The following USP46 variants were observed in gnomAD, a reference collection of about 807,000 sequenced individuals.
USP46 encodes ubiquitin specific peptidase 46.
Under a neutral mutation model 44.4 loss-of-function variants are expected in USP46, and 12 were observed. The observed-to-expected ratio is 0.27, with a 90% confidence interval of 0.17 to 0.44. USP46 has a LOEUF of 0.44. Among genes scored for constraint, USP46 ranks in the 20% least tolerant of loss-of-function variants. The pLI is 1.00. For synonymous variants in USP46, 155 were observed against 161.5 expected, an observed-to-expected ratio of 0.96 and a Z score of 0.31; for missense variants, 248 against 444.8, an observed-to-expected ratio of 0.56 and a Z score of 3.98.
intron 6 of USP46, among the ~76,000 whole-genome samples, 191 bp from the exon 7 acceptor site, chr4:52,602,245 A>G (rs559116110): frequency 3.5e-4 from 53 of 152,356 alleles, no homozygotes; most frequent in Admixed American, 9.8e-4. Context: ...CCTGGCTCCC[A>G]GCAGGAGAAA....
intron 1 of USP46, among the ~76,000 whole-genome samples, chr4:52,647,471 G>A (rs1350473912): frequency 6.6e-6 from 1 of 152,168 alleles, no homozygotes; most frequent in Admixed American, 6.5e-5. Context: ...AAAAGAAACT[G>A]CGCTTAGCTA....
intron 2 of USP46, among the ~76,000 whole-genome samples, chr4:52,630,350 A>G (rs2059436366): frequency 6.6e-6 from 1 of 152,218 alleles, no homozygotes. Context: ...CTGTTAAAGA[A>G]AGACACTGGC....
At chr4:52,632,994 G>GAAAAGAAAAGA (rs1228732494) in intron 1 of USP46, among the ~76,000 whole-genome samples, 55 of 91,296 alleles carry the variant, frequency 6.0e-4, no homozygotes, top group South Asian at 3.7e-3. Flanking sequence ...GAAAAGAAAA[G>GAAAAGAAAAGA]AAAGAAAGAA....
intron 5 of USP46, among the ~76,000 whole-genome samples, chr4:52,608,733 G>A (rs150744201): frequency 3.3e-5 from 5 of 152,254 alleles, no homozygotes; most frequent in South Asian, 2.1e-4. Context: ...AAATCTTCCC[G>A]GGTGATTCCA....
intron 7 of USP46, among the ~76,000 whole-genome samples, chr4:52,601,013 T>C (rs956897038): frequency 2.0e-5 from 3 of 152,214 alleles, no homozygotes; most frequent in South Asian, 2.1e-4. Flanking sequence ...TCTACCCTAG[T>C]ACACAATTAA....
At chr4:52,620,276 CAT>C (rs1040280336) in intron 4 of USP46, among the ~76,000 whole-genome samples, 31 of 152,148 alleles carry the variant, frequency 2.0e-4, no homozygotes, top group African/African-American at 6.3e-4. Context: ...TGAAAATCCA[CAT>C]AGAGTAAAGA....
chr4:52,633,708 T>C (rs1413548633), intron 1 of USP46, among the ~76,000 whole-genome samples: 1 of 152,210 alleles, frequency 6.6e-6, no homozygotes, highest in Non-Finnish European at 1.5e-5. Flanking sequence ...TGGAAATTCT[T>C]AGGTTCGGTG....
chr4:52,640,630 G>A (rs561346114), intron 1 of USP46, among the ~76,000 whole-genome samples: 1 of 151,408 alleles, frequency 6.6e-6, no homozygotes, highest in African/African-American at 2.4e-5. Context: ...GAGAAACTCT[G>A]TCTCTACTTA....
In USP46 at chr4:52,594,685, T is replaced by C. The variant is rs1030114049; in HGVS notation, c.*2955A>G. On this transcript the variant is annotated 3_prime_UTR_variant, in exon 9 of 9. Coordinates refer to ENST00000441222, the MANE Select transcript of USP46 (RefSeq NM_022832.4). ...TAAGCCCTAAGCTCCAGTTAGAACA[T>C]AGATCATTATTAGGCATGCCCATGA... 6.6e-6 allele frequency: 1 copy of C among 152,188 alleles called. No individual in the cohort carries two copies. The highest frequency in any genetic ancestry group is 2.4e-5 in the African/African-American group (1 of 41,452). 9.4% of individuals were successfully genotyped at this position (152,188 alleles called of 1,614,324 possible). A position where few individuals can be genotyped will look rare whatever the true frequency, so the allele number is the denominator to read the frequency against.
chr4:52,656,638 T>C (rs750134832), intron 1 of USP46: 88 of 1,121,810 alleles, frequency 7.8e-5, no homozygotes, highest in Non-Finnish European at 9.5e-5. Flanking sequence ...TCTAGCCATG[T>C]ACCAGGCCCT....
At chr4:52,624,753 G>A (rs896996144) in intron 4 of USP46, among the ~76,000 whole-genome samples, 4 of 152,144 alleles carry the variant, frequency 2.6e-5, no homozygotes, top group Non-Finnish European at 5.9e-5. Flanking sequence ...GGTCATGAGG[G>A]TGGAGCCCTC....
Position 52,598,668 on chromosome 4 carries a change from C to T in USP46, c.959G>A (p.Ser320Asn). 1.2e-6 allele frequency: 2 copies of T among 1,610,632 alleles called. No homozygotes were observed. Among genetic ancestry groups the T allele is most frequent in the Non-Finnish European group, 1.7e-6 (2 of 1,178,698 alleles). The change falls in exon 8 of 9, where the codon AGT becomes AAT. Residue 320 changes from serine to asparagine, a missense_variant. This residue lies in a region of USP46 where 98 missense variants were observed against 218.2 expected (regional missense o/e 0.45). Transcript: ENST00000441222. ...NRGHYITIVK[S>N]HGFWLLFDDD... ...ATCAAACAAAAGCCAGAAGCCGTGACTTTTCACAATAGTGATATAATGCCC... is the reference window on the plus strand; with the variant it reads ...ATCAAACAAAAGCCAGAAGCCGTGATTTTTCACAATAGTGATATAATGCCC...
chr4:52,659,008 C>A lies in USP46; in HGVS notation c.36+107G>T. 7.3e-7 allele frequency: 1 copy of A among 1,363,726 alleles called. No homozygotes were observed. The highest frequency in any genetic ancestry group is 9.7e-7 in the Non-Finnish European group (1 of 1,032,302). 84.5% of individuals were successfully genotyped at this position (1,363,726 alleles called of 1,614,324 possible). ...GCCGGGAACTTCTGGCGGCGCGGACCCCGCCGCCCCCGCCGCCCCAGCCAC... is the reference window on the plus strand; with the variant it reads ...GCCGGGAACTTCTGGCGGCGCGGACACCGCCGCCCCCGCCGCCCCAGCCAC... On this transcript the variant is annotated intron_variant, in intron 1 of 8. Transcript: ENST00000441222. The surrounding 1 kb of genome is among the most constrained non-coding windows in gnomAD (Gnocchi z 4.2).
intron 1 of USP46, among the ~76,000 whole-genome samples, chr4:52,632,023 GGGGAAGGGGAAGGGGAAGGGGAAA>G (rs1479904452): frequency 7.1e-6 from 1 of 140,418 alleles, no homozygotes; most frequent in Non-Finnish European, 1.6e-5. Context: ...GGCAAGGGAA[GGGGAAGGGGAAGGGGAAGGGGAAA>G]GGGAAGGGGA....
chr4:52,607,578 A>G (rs1362796904), intron 5 of USP46, among the ~76,000 whole-genome samples: 1 of 152,202 alleles, frequency 6.6e-6, no homozygotes, highest in Non-Finnish European at 1.5e-5. Flanking sequence ...CTGTGTCCCC[A>G]CCCAAATCTC....
chr4:52,658,998 C>A, intron 1 of USP46, 117 bp downstream of exon 1: 3 of 1,288,880 alleles, frequency 2.3e-6, no homozygotes, highest in South Asian at 1.7e-5. Flanking sequence ...GAACTTCTGG[C>A]GGCGCGGACC....
intron 7 of USP46, among the ~76,000 whole-genome samples, chr4:52,601,163 G>A (rs911392765): frequency 6.6e-6 from 1 of 152,182 alleles, no homozygotes; most frequent in Non-Finnish European, 1.5e-5. Flanking sequence ...GAGGGCAGGG[G>A]GAAAGCTGTG....
At chr4:52,600,787 C>T (rs1716438704) in intron 7 of USP46, among the ~76,000 whole-genome samples, 1 of 152,168 alleles carries the variant, frequency 6.6e-6, no homozygotes, top group Admixed American at 6.5e-5. Flanking sequence ...AGGCCTCATC[C>T]AGTGCTCAAG....
At chr4:52,629,293 T>C (rs1156330344) in intron 2 of USP46, among the ~76,000 whole-genome samples, 2 of 152,192 alleles carry the variant, frequency 1.3e-5, no homozygotes, top group Non-Finnish European at 1.5e-5. Flanking sequence ...ACAAACCTCT[T>C]TGTACAGAGA....
Sources: allele counts gnomAD v4.1 joint callset (sites outside exome capture counted in the v4.1 genomes callset), GRCh38; gene constraint gnomAD v4.1.1; regional missense constraint gnomAD v4.1.1; non-coding constraint Gnocchi (gnomAD v3.1); transcripts MANE v1.5; gene names NCBI Gene and HGNC (gene_info 2026-07-23, HGNC 2026-07-21).